Variants in SMARCAD1 observed in about 807,000 individuals in gnomAD.
SMARCAD1 encodes SWI/SNF-related matrix-associated actin-dependent regulator of chromatin subfamily A containing DEAD/H box 1.
A neutral mutation model predicts 127.1 loss-of-function variants in SMARCAD1; 25 were observed. The ratio of observed to expected loss-of-function variants is 0.20; its 90% CI spans 0.14 to 0.27. The LOEUF (loss-of-function observed/expected upper bound fraction) is 0.27. Ranked by LOEUF, SMARCAD1 falls within the 10% of genes least tolerant of loss-of-function variation. SMARCAD1 has a pLI of 1.00. For synonymous variants in SMARCAD1, 400 were observed against 396.9 expected, an observed-to-expected ratio of 1.01 and a Z score of -0.09; for missense variants, 807 against 1,206.0, an observed-to-expected ratio of 0.67 and a Z score of 4.90.
chr4:94,239,106 G>T (rs1289351482), intron 5 of SMARCAD1, among the ~76,000 whole-genome samples: 1 of 152,088 alleles, frequency 6.6e-6, no homozygotes, highest in Non-Finnish European at 1.5e-5. Context: ...AAACTTCCAT[G>T]CTGCATCATG....
At chr4:94,227,091 C>A (rs575234806) in intron 3 of SMARCAD1, among the ~76,000 whole-genome samples, 1 of 151,962 alleles carries the variant, frequency 6.6e-6, no homozygotes, top group South Asian at 2.1e-4. Flanking sequence ...AGTGCTGGAG[C>A]AAAGACATAA....
intron 19 of SMARCAD1, among the ~76,000 whole-genome samples, chr4:94,279,629 A>G (rs1753742034): frequency 6.6e-6 from 1 of 152,220 alleles, no homozygotes; most frequent in Non-Finnish European, 1.5e-5. Context: ...CTACAGGGGC[A>G]GAGTTGAGTA....
intron 2 of SMARCAD1, among the ~76,000 whole-genome samples, chr4:94,221,724 C>T (rs984044067): frequency 3.2e-4 from 49 of 152,216 alleles, no homozygotes; most frequent in African/African-American, 8.2e-4. Flanking sequence ...TTCCAACTCC[C>T]GTTTAGCTCT....
At chr4:94,244,425 G>A (rs1748087048) in intron 6 of SMARCAD1, among the ~76,000 whole-genome samples, 1 of 152,170 alleles carries the variant, frequency 6.6e-6, no homozygotes, top group African/African-American at 2.4e-5. Context: ...AGCTGTGCAT[G>A]GTGTTAAATT....
chr4:94,216,284 T>C (rs1052671938), intron 2 of SMARCAD1, among the ~76,000 whole-genome samples: 6 of 152,038 alleles, frequency 3.9e-5, no homozygotes, highest in Admixed American at 6.6e-5. Context: ...TTTTGGGGAG[T>C]GGGGCACAAA....
chr4:94,281,586 G>C lies in SMARCAD1; in HGVS notation c.2722G>C (p.Glu908Gln). The change falls in exon 21 of 24, where the codon GAA becomes CAA. Residue 908 changes from glutamate to glutamine, a missense_variant. Transcript: ENST00000354268. ...LRLDGKTQIS[E>Q]RIHLIDEFNT... is the part of the protein sequence containing the mutation. ...ATTAGATGGAAAGACTCAGATTTCT[G>C]AAAGGTTGGTATAATTCATGTTAGT... 3.8e-6 allele frequency: 6 copies of C among 1,578,680 alleles called. No homozygotes were observed. The highest frequency in any genetic ancestry group is 5.2e-6 in the Non-Finnish European group (6 of 1,148,204).
In SMARCAD1 at chr4:94,235,414, A is replaced by C. The variant is rs2865345; in HGVS notation, c.537+1292A>C. On this transcript the variant is annotated intron_variant, in intron 4 of 23. Transcript: ENST00000354268. ...AAAGAAAGATAAAAATAAACATGCT[A>C]TTCAAGCCAAACAACACATGTCTGT... is the stretch of plus-strand genomic sequence containing the variant. Among the ~76,000 whole-genome samples the C allele has an allele frequency of 7.9e-5, 12 of 151,484 alleles. No homozygotes were observed. In the South Asian group the frequency reaches 1.0e-3, roughly 13 times the overall value.
intron 2 of SMARCAD1, among the ~76,000 whole-genome samples, chr4:94,209,855 A>G (rs1323704606): frequency 6.6e-6 from 1 of 152,174 alleles, no homozygotes; most frequent in Non-Finnish European, 1.5e-5. Context: ...TGCTTTTCCA[A>G]TGAATATATT....
At position 94,270,790 on chromosome 4, in the gene SMARCAD1, G is replaced by A; in HGVS notation, c.1544G>A (p.Gly515Glu). Reference protein sequence around the residue: ...LNWLALVHKHGLNGILADEMG... With the variant: ...LNWLALVHKHELNGILADEMG... ...TGGCTGGCATTGGTACATAAACATG[G>A]ACTTAATGGCATTTTGGCAGATGAA... Residue 515 changes from glycine to glutamate, a missense_variant, in exon 11 of 24, where the codon GGA becomes GAA. Gly to Glu is a moderately conservative substitution (Grantham distance 98, BLOSUM62 -2). Coordinates refer to ENST00000354268, the MANE Select transcript of SMARCAD1 (RefSeq NM_020159.5). The A allele has an allele frequency of 1.2e-6, 2 of 1,613,436 alleles. No homozygotes were observed. Among genetic ancestry groups the A allele is most frequent in the Non-Finnish European group, 1.7e-6 (2 of 1,179,626 alleles).
At chr4:94,286,947 C>T (rs1028676336) in intron 23 of SMARCAD1, among the ~76,000 whole-genome samples, 1 of 152,150 alleles carries the variant, frequency 6.6e-6, no homozygotes, top group South Asian at 2.1e-4. Flanking sequence ...GCACTGCAAG[C>T]TCCGCCTCCC....
chr4:94,256,649 C>T (rs1560544687), intron 9 of SMARCAD1, among the ~76,000 whole-genome samples: 1 of 152,178 alleles, frequency 6.6e-6, no homozygotes, highest in Non-Finnish European at 1.5e-5. Context: ...AGGCGTGAGC[C>T]ACTGCATCTG....
At chr4:94,224,855 A>C (rs1170197938) in intron 2 of SMARCAD1, among the ~76,000 whole-genome samples, 1 of 152,096 alleles carries the variant, frequency 6.6e-6, no homozygotes, top group Non-Finnish European at 1.5e-5. Flanking sequence ...GTGAGGTTTA[A>C]ATGTTTATTA....
rs1560531229 is a variant in SMARCAD1 at position 94,240,931 on chromosome 4, ATCT to A, written c.639_641del (p.Ser214del). On this transcript the variant is annotated inframe_deletion, in exon 6 of 24. Coordinates refer to ENST00000354268, the MANE Select transcript of SMARCAD1 (RefSeq NM_020159.5). ...GTGGTGGGCCCAGGAAAAGAAAATT[ATCT>A]TCTTCTTCAGAGCCATATGAGGAAG... 2.5e-6 allele frequency: 4 copies of A among 1,613,560 alleles called. No individual in the cohort carries two copies. The highest frequency in any genetic ancestry group is 2.5e-6 in the Non-Finnish European group (3 of 1,179,650).
At chr4:94,243,923 T>G (rs1357657405) in intron 6 of SMARCAD1, among the ~76,000 whole-genome samples, 1 of 152,202 alleles carries the variant, frequency 6.6e-6, no homozygotes. Context: ...TTTTGAGTAT[T>G]AAGGAGAAGC....
rs1420750749 is a variant in SMARCAD1 at position 94,240,951 on chromosome 4, A to G, written c.650A>G (p.Tyr217Cys). ...AAATTATCTTCTTCTTCAGAGCCAT[A>G]TGAGGAAGATGAATTTAATGATGAT... is the stretch of plus-strand genomic sequence containing the variant. ...KRKLSSSSEP[Y>C]EEDEFNDDQS... Residue 217 changes from tyrosine (Y) to cysteine (C), a missense_variant, in exon 6 of 24, where the codon TAT becomes TGT. This residue lies in a region of SMARCAD1 where 48 missense variants were observed against 90.8 expected (regional missense o/e 0.53). Coordinates refer to ENST00000354268, the MANE Select transcript of SMARCAD1 (RefSeq NM_020159.5). The G allele has an allele frequency of 1.9e-6, 3 of 1,613,522 alleles. No homozygotes were observed. The highest frequency in any genetic ancestry group is 2.5e-6 in the Non-Finnish European group (3 of 1,179,654).
At chr4:94,257,177 A>T (rs1750230216) in intron 9 of SMARCAD1, among the ~76,000 whole-genome samples, 1 of 152,166 alleles carries the variant, frequency 6.6e-6, no homozygotes, top group African/African-American at 2.4e-5. Flanking sequence ...AGGAAGTAGC[A>T]ATTAGCTTTT....
At chr4:94,249,270 A>G (rs1158233296) in intron 6 of SMARCAD1, among the ~76,000 whole-genome samples, 1 of 152,156 alleles carries the variant, frequency 6.6e-6, no homozygotes, top group Non-Finnish European at 1.5e-5. Context: ...AGGTGGATAT[A>G]TAATAGTGAA....
intron 22 of SMARCAD1, 140 bp from the exon 23 acceptor site, chr4:94,284,820 C>T (rs1560571957): frequency 3.3e-6 from 2 of 611,802 alleles, no homozygotes; most frequent in Non-Finnish European, 5.8e-6. Context: ...ATGTCAGTCT[C>T]AAGTGGCTTA....
At chr4:94,217,584 T>C (rs926836838) in intron 2 of SMARCAD1, among the ~76,000 whole-genome samples, 4 of 152,218 alleles carry the variant, frequency 2.6e-5, no homozygotes, top group Non-Finnish European at 4.4e-5. Flanking sequence ...TTTCACTGTT[T>C]TGTGACCAGA....
Sources: gnomAD v4.1 joint callset for allele counts (sites outside exome capture counted in the v4.1 genomes callset) on GRCh38, gnomAD v4.1.1 for gene constraint, gnomAD v4.1.1 regional missense constraint, MANE v1.5 for transcripts, NCBI Gene and HGNC (gene_info 2026-07-23, HGNC 2026-07-21) for gene names.